NPHS2: variants seen among roughly 807,000 people sequenced by gnomAD.
The protein encoded by NPHS2 is podocin.
In NPHS2, 36 loss-of-function variants were observed where a neutral mutation model predicts 37.1. The observed-to-expected ratio is 0.97, with a 90% CI of 0.74 to 1.28. NPHS2 has a LOEUF of 1.28. Ranked by LOEUF, NPHS2 falls within the 50% of genes most tolerant of loss-of-function variation. The pLI is 0.00. For missense variants in NPHS2, 447 were observed against 488.1 expected (o/e 0.92, Z 0.79); for synonymous variants, 196 against 189.3 (o/e 1.04, Z -0.29).
intron 3 of NPHS2, among the ~76,000 whole-genome samples, chr1:179,560,910 TG>T (rs1207348157): frequency 6.6e-6 from 1 of 152,258 alleles, no homozygotes; most frequent in Non-Finnish European, 1.5e-5. Flanking sequence ...GAACTTTGCC[TG>T]TTTCTCATGA....
intron 1 of NPHS2, among the ~76,000 whole-genome samples, chr1:179,573,328 A>G (rs1297034629): frequency 6.6e-6 from 1 of 152,238 alleles, no homozygotes; most frequent in Non-Finnish European, 1.5e-5. Flanking sequence ...TCTAAAGGCC[A>G]TCCTACGAAA....
At chr1:179,559,998 C>T (rs183309367) in intron 3 of NPHS2, among the ~76,000 whole-genome samples, 1 of 152,242 alleles carries the variant, frequency 6.6e-6, no homozygotes, top group Non-Finnish European at 1.5e-5. Flanking sequence ...GCTGTGTGGT[C>T]CTTTTAGTCA....
chr1:179,552,593 G>T lies in NPHS2; in HGVS notation c.873+10C>A, dbSNP rs536934083. 1.9e-6 allele frequency: 3 copies of T among 1,609,686 alleles called. No homozygotes were observed. The highest frequency in any genetic ancestry group is 2.5e-6 in the Non-Finnish European group (3 of 1,176,512). On this transcript the variant is annotated intron_variant, in intron 7 of 7. Transcript: ENST00000367615. ...AAAGGGCAGTCTGGGTGGGAGGATG[G>T]AGTGCTCACCCGCACTTTGGCTTGT...
intron 1 of NPHS2, among the ~76,000 whole-genome samples, chr1:179,568,723 T>A (rs1190888199): frequency 6.6e-6 from 1 of 152,218 alleles, no homozygotes; most frequent in Non-Finnish European, 1.5e-5. Context: ...CTGCTTTAAA[T>A]GCGTCCCAGA....
chr1:179,566,268 C>G (rs1216487211), intron 1 of NPHS2, among the ~76,000 whole-genome samples: 1 of 152,214 alleles, frequency 6.6e-6, no homozygotes, highest in African/African-American at 2.4e-5. Flanking sequence ...TTCTAACTGG[C>G]ATTAGATGGT....
At chr1:179,568,552 C>T (rs974687078) in intron 1 of NPHS2, among the ~76,000 whole-genome samples, 1 of 152,114 alleles carries the variant, frequency 6.6e-6, no homozygotes, top group African/African-American at 2.4e-5. Context: ...CTATCTCTTT[C>T]AGTTCTGCTC....
At chr1:179,573,123 C>T (rs764281550) in intron 1 of NPHS2, among the ~76,000 whole-genome samples, 5 of 152,122 alleles carry the variant, frequency 3.3e-5, no homozygotes, top group Non-Finnish European at 7.4e-5. Flanking sequence ...TGAGCTATGG[C>T]ACCTGGCCTA....
chr1:179,551,569 AG>A, intron 7 of NPHS2, 118 bp from the exon 8 acceptor site: 1 of 1,136,336 alleles, frequency 8.8e-7, no homozygotes, highest in Admixed American at 1.9e-5. Flanking sequence ...AGCACGGTTA[AG>A]CATAGAACAT....
intron 4 of NPHS2, 25 bp from the exon 5 acceptor site, chr1:179,557,255 C>T: frequency 6.3e-7 from 1 of 1,592,912 alleles, no homozygotes; most frequent in Non-Finnish European, 8.6e-7. Context: ...GTTTGGATGA[C>T]AGGCTTGATT....
At chr1:179,574,445 T>C (rs1306600855) in intron 1 of NPHS2, among the ~76,000 whole-genome samples, 1 of 152,156 alleles carries the variant, frequency 6.6e-6, no homozygotes, top group Non-Finnish European at 1.5e-5. Context: ...AAATGGTGGC[T>C]TCCTTACTTG....
chr1:179,568,652 A>G (rs987779559), intron 1 of NPHS2, among the ~76,000 whole-genome samples: 15 of 152,170 alleles, frequency 9.9e-5, no homozygotes, highest in African/African-American at 3.4e-4. Context: ...TAGGGTGTCA[A>G]TTTTAGATCT....
intron 1 of NPHS2, among the ~76,000 whole-genome samples, chr1:179,570,211 C>T (rs1674500344): frequency 6.6e-6 from 1 of 152,144 alleles, no homozygotes. Context: ...TCAGGGAGAC[C>T]TTTACCCAGT....
intron 7 of NPHS2, chr1:179,552,057 T>C (rs1673359831): frequency 5.9e-6 from 1 of 168,492 alleles, no homozygotes; most frequent in African/African-American, 2.4e-5. Flanking sequence ...CATTCTTCAC[T>C]TTCCTCTTCC....
At position 179,564,766 on chromosome 1, in the gene NPHS2, C is replaced by G. The variant is rs777738678; in HGVS notation, c.302G>C (p.Cys101Ser). The part of the protein sequence containing the change: ...EGTKSSGLGA[C>S]EWLLVLISLL... Reference sequence around the variant, plus strand: ...GGAAATGAGGACAAGAAGCCACTCACAGGCCCCTAAGCCGGAGGATTTGGT... The same window carrying G: ...GGAAATGAGGACAAGAAGCCACTCAGAGGCCCCTAAGCCGGAGGATTTGGT... The change falls in exon 2 of 8, where the codon TGT becomes TCT. Residue 101 changes from cysteine to serine, a missense_variant. By Grantham distance (112) the Cys-to-Ser change is moderately radical. Transcript: ENST00000367615. 6.2e-7 allele frequency: 1 copy of G among 1,614,120 alleles called. No homozygotes were observed. The highest frequency in any genetic ancestry group is 1.1e-5 in the South Asian group (1 of 91,070).
intron 2 of NPHS2, among the ~76,000 whole-genome samples, chr1:179,562,884 A>C (rs1674197109): frequency 6.6e-6 from 1 of 152,230 alleles, no homozygotes; most frequent in African/African-American, 2.4e-5. Context: ...ACCTTGCTCA[A>C]ATATAACTGC....
chr1:179,565,699 C>A (rs746989060), intron 1 of NPHS2, among the ~76,000 whole-genome samples: 49 of 152,202 alleles, frequency 3.2e-4, no homozygotes, highest in Non-Finnish European at 6.8e-4. Flanking sequence ...TTAGGTATTT[C>A]TCCTAATGCT....
intron 3 of NPHS2, 22 bp downstream of exon 3, chr1:179,561,266 GA>G (rs748179295): frequency 1.6e-5 from 25 of 1,582,288 alleles, no homozygotes; most frequent in Non-Finnish European, 2.0e-5. Context: ...GAGGTGTTTA[GA>G]AAAAAAAGAG....
intron 1 of NPHS2, among the ~76,000 whole-genome samples, chr1:179,569,943 T>A (rs1674487979): frequency 6.6e-6 from 1 of 152,242 alleles, no homozygotes; most frequent in Non-Finnish European, 1.5e-5. Flanking sequence ...CTTTTGTGGG[T>A]AACTCGACCT....
chr1:179,552,264 G>A (rs1015017580), intron 7 of NPHS2: 1 of 378,790 alleles, frequency 2.6e-6, no homozygotes, highest in South Asian at 2.3e-5. Context: ...ATACCTAGAA[G>A]TTAGAAGTTA....
Sources: gnomAD v4.1 joint callset for allele counts (sites outside exome capture counted in the v4.1 genomes callset) on GRCh38, gnomAD v4.1.1 for gene constraint, MANE v1.5 for transcripts, NCBI Gene and HGNC (gene_info 2026-07-23, HGNC 2026-07-21) for gene names.